Variants in TRPM3 observed in about 807,000 individuals in gnomAD.
The protein encoded by TRPM3 is transient receptor potential cation channel subfamily M member 3, also known as long transient receptor potential channel 3.
In TRPM3, 77 loss-of-function variants were observed where a neutral mutation model predicts 181.2. The ratio of observed to expected loss-of-function variants is 0.42; its 90% CI spans 0.35 to 0.51. TRPM3 has a LOEUF of 0.51. Among genes scored for constraint, TRPM3 ranks in the 20% least tolerant of loss-of-function variants. TRPM3 has a pLI of 0.01. For missense variants in TRPM3, 1,759 were observed against 2,196.7 expected (o/e 0.80, Z 3.98); for synonymous variants, 745 against 796.4 (o/e 0.94, Z 1.09).
intron 1 of TRPM3, among the ~76,000 whole-genome samples, chr9:71,255,518 A>G (rs1038508534): frequency 6.6e-6 from 1 of 152,160 alleles, no homozygotes; most frequent in Non-Finnish European, 1.5e-5. Flanking sequence ...AATTAACATA[A>G]AACATCACTT....
intron 9 of TRPM3, among the ~76,000 whole-genome samples, chr9:70,671,001 A>G (rs1285032335): frequency 6.6e-6 from 1 of 152,108 alleles, no homozygotes; most frequent in South Asian, 2.1e-4. Flanking sequence ...AGAAGTTACA[A>G]ATATATATTG....
chr9:70,788,327 T>A (rs901091100), intron 6 of TRPM3, among the ~76,000 whole-genome samples: 1 of 151,924 alleles, frequency 6.6e-6, no homozygotes. Context: ...CACCCTAAAT[T>A]AAGCACATTG....
At chr9:70,913,361 C>T (rs1466111838) in intron 1 of TRPM3, among the ~76,000 whole-genome samples, 1 of 152,144 alleles carries the variant, frequency 6.6e-6, no homozygotes, top group Non-Finnish European at 1.5e-5. Flanking sequence ...CTAATCAGTG[C>T]AGTGTAGTGA....
intron 1 of TRPM3, among the ~76,000 whole-genome samples, chr9:71,193,020 T>C (rs1373803218): frequency 1.3e-5 from 2 of 151,906 alleles, no homozygotes; most frequent in South Asian, 2.1e-4. Flanking sequence ...ATGGTGTATG[T>C]GTAACTTTAG....
chr9:70,852,849 A>C (rs1298782421), intron 3 of TRPM3, among the ~76,000 whole-genome samples: 5 of 152,182 alleles, frequency 3.3e-5, no homozygotes, highest in Admixed American at 6.5e-5. Context: ...CATCTACAGA[A>C]AGCATTCTCA....
chr9:71,444,323 AAAAC>A (rs1292674132), intron 1 of TRPM3, among the ~76,000 whole-genome samples: 1 of 152,196 alleles, frequency 6.6e-6, no homozygotes, highest in Non-Finnish European at 1.5e-5. Context: ...TCACATTAAA[AAAAC>A]AATTATTTTA....
At chr9:71,288,543 A>C (rs1271230961) in intron 1 of TRPM3, among the ~76,000 whole-genome samples, 1 of 152,140 alleles carries the variant, frequency 6.6e-6, no homozygotes, top group Non-Finnish European at 1.5e-5. Flanking sequence ...AAAACCACAC[A>C]AACACACATA....
At chr9:70,937,104 T>C (rs535742562) in intron 1 of TRPM3, among the ~76,000 whole-genome samples, 7 of 152,354 alleles carry the variant, frequency 4.6e-5, no homozygotes, top group Non-Finnish European at 1.0e-4. Context: ...TTGTTATGCA[T>C]TTTGACGCAG....
chr9:71,243,374 C>T (rs1223480469), intron 1 of TRPM3, among the ~76,000 whole-genome samples: 1 of 152,224 alleles, frequency 6.6e-6, no homozygotes, highest in Non-Finnish European at 1.5e-5. Context: ...CTCCTTCCAT[C>T]TGCTGTCATC....
chr9:70,657,791 G>A (rs1182939632), intron 9 of TRPM3, among the ~76,000 whole-genome samples: 1 of 152,070 alleles, frequency 6.6e-6, no homozygotes, highest in Non-Finnish European at 1.5e-5. Flanking sequence ...ACATCTTCGG[G>A]TCTGGTAGAA....
chr9:71,213,019 A>T (rs1341136904), intron 1 of TRPM3, among the ~76,000 whole-genome samples: 6 of 152,226 alleles, frequency 3.9e-5, no homozygotes, highest in Non-Finnish European at 7.3e-5. Context: ...AATCAGATAT[A>T]TAAGAGCAGT....
chr9:71,211,518 T>A (rs2079506527), intron 1 of TRPM3, among the ~76,000 whole-genome samples: 1 of 152,146 alleles, frequency 6.6e-6, no homozygotes, highest in South Asian at 2.1e-4. Flanking sequence ...AATAGAAATT[T>A]ACTGTCTCAT....
chr9:70,749,154 G>A (rs2075700148), intron 8 of TRPM3, among the ~76,000 whole-genome samples: 1 of 151,968 alleles, frequency 6.6e-6, no homozygotes, highest in Admixed American at 6.6e-5. Flanking sequence ...CAATGTCCTG[G>A]GACTATGGGC....
At chr9:71,330,730 G>A (rs1372741502) in intron 1 of TRPM3, among the ~76,000 whole-genome samples, 4 of 151,750 alleles carry the variant, frequency 2.6e-5, no homozygotes, top group African/African-American at 9.7e-5. Context: ...GAGATAAGGG[G>A]AATCTGAGTA....
chr9:71,000,378 G>A (rs1461855322), intron 1 of TRPM3, among the ~76,000 whole-genome samples: 1 of 152,048 alleles, frequency 6.6e-6, no homozygotes, highest in Non-Finnish European at 1.5e-5. Flanking sequence ...CTAAGTTTTG[G>A]AAATAAAATA....
intron 1 of TRPM3, among the ~76,000 whole-genome samples, chr9:71,032,089 A>AATTATAT (rs1565024996): frequency 6.7e-4 from 8 of 11,994 alleles, no homozygotes; most frequent in African/African-American, 2.0e-3. Flanking sequence ...ATATATATAT[A>AATTATAT]ATTATATAAT....
At chr9:70,541,734 C>T (rs931441243) in intron 25 of TRPM3, among the ~76,000 whole-genome samples, 3 of 152,202 alleles carry the variant, frequency 2.0e-5, no homozygotes, top group East Asian at 1.9e-4. Context: ...TTGTCTTGAA[C>T]TCCCGACCTC....
intron 1 of TRPM3, among the ~76,000 whole-genome samples, chr9:71,295,237 G>T (rs538495549): frequency 2.8e-4 from 43 of 152,112 alleles, no homozygotes; most frequent in Admixed American, 2.4e-3. Context: ...AAGGTAGGAG[G>T]TATTCATTCA....
At chr9:71,184,886 T>C (rs2077589554) in intron 1 of TRPM3, among the ~76,000 whole-genome samples, 1 of 152,124 alleles carries the variant, frequency 6.6e-6, no homozygotes, top group Non-Finnish European at 1.5e-5. Flanking sequence ...AGATGTTTGT[T>C]TCACTCTTAT....
Sources: allele counts gnomAD v4.1 joint callset (sites outside exome capture counted in the v4.1 genomes callset), GRCh38; gene constraint gnomAD v4.1.1; transcripts MANE v1.5; gene names NCBI Gene and HGNC (gene_info 2026-07-23, HGNC 2026-07-21).